The following TMEM114 variants were observed in gnomAD, a reference collection of about 807,000 sequenced individuals.
TMEM114 encodes the protein claudin-26.
A neutral mutation model predicts 6.2 loss-of-function variants in TMEM114; 6 were observed. The ratio of observed to expected loss-of-function variants is 0.97; its 90% CI spans 0.53 to 1.91. The LOEUF is 1.91. TMEM114 is among the 40% of genes most tolerant of loss of function. The pLI is 0.01. For synonymous variants in TMEM114, 104 were observed against 73.0 expected (o/e 1.42, Z -2.16); for missense variants, 218 against 158.3 (o/e 1.38, Z -2.02).
At chr16:8,527,079 C>G in the TMEM114 span, among the ~76,000 whole-genome samples, 1 of 152,208 alleles carries the variant, frequency 6.6e-6, no homozygotes, top group East Asian at 1.9e-4. Flanking sequence ...ATGGTGGGCA[C>G]ACCTGTAGTC....
At chr16:8,550,363 T>A (rs1900801762) in intron 2 of TMEM114, among the ~76,000 whole-genome samples, 1 of 152,208 alleles carries the variant, frequency 6.6e-6, no homozygotes, top group East Asian at 1.9e-4. Context: ...TAGAATTTTG[T>A]TCGTGTTCTC....
intron 2 of TMEM114, among the ~76,000 whole-genome samples, chr16:8,541,478 G>T (rs539442767): frequency 6.6e-6 from 1 of 152,102 alleles, no homozygotes; most frequent in Non-Finnish European, 1.5e-5. Flanking sequence ...GAGACAATTC[G>T]TCTGACCATA....
chr16:8,557,766 G>A (rs866027427), intron 2 of TMEM114, among the ~76,000 whole-genome samples: 9 of 152,128 alleles, frequency 5.9e-5, no homozygotes, highest in African/African-American at 9.7e-5. Context: ...CACAGACATC[G>A]TGGGAAGACT....
At chr16:8,570,926 C>T (rs191079504) in intron 3 of TMEM114, among the ~76,000 whole-genome samples, 2 of 152,324 alleles carry the variant, frequency 1.3e-5, no homozygotes, top group Admixed American at 1.3e-4. Flanking sequence ...TAGGGAACTT[C>T]TCCACCATCA....
chr16:8,563,846 G>T (rs1324326096), intron 2 of TMEM114, among the ~76,000 whole-genome samples: 15 of 135,562 alleles, frequency 1.1e-4, no homozygotes, highest in East Asian at 2.5e-4. Flanking sequence ...AGGGAGGGAG[G>T]GAGGGAGGGA....
downstream of TMEM114, among the ~76,000 whole-genome samples, chr16:8,536,178 T>A (rs1291157496): frequency 6.7e-6 from 1 of 148,846 alleles, no homozygotes; most frequent in Non-Finnish European, 1.5e-5. Context: ...TGAGCCGAGA[T>A]AGCACCACTG....
chr16:8,552,058 G>C (rs1365012351), intron 2 of TMEM114, among the ~76,000 whole-genome samples: 1 of 152,136 alleles, frequency 6.6e-6, no homozygotes, highest in Non-Finnish European at 1.5e-5. Flanking sequence ...GGACAGAGGA[G>C]TGATTTCCAG....
At chr16:8,581,808 T>G (rs1902160746) in intron 2 of TMEM114, among the ~76,000 whole-genome samples, 1 of 152,234 alleles carries the variant, frequency 6.6e-6, no homozygotes, top group African/African-American at 2.4e-5. Context: ...GTGGCCTTTA[T>G]TTTTTAATGG....
intron 2 of TMEM114, among the ~76,000 whole-genome samples, chr16:8,538,706 C>A (rs1330122511): frequency 6.6e-6 from 1 of 152,076 alleles, no homozygotes; most frequent in African/African-American, 2.4e-5. Context: ...TGGGGTTTCA[C>A]CCTGTTAGCC....
At chr16:8,555,641 A>G (rs1174614917) in intron 2 of TMEM114, among the ~76,000 whole-genome samples, 4 of 151,974 alleles carry the variant, frequency 2.6e-5, no homozygotes, top group Admixed American at 1.3e-4. Context: ...TGCCTATCTC[A>G]CTATTGTTTT....
chr16:8,564,415 G>T (rs1027641451), intron 2 of TMEM114, among the ~76,000 whole-genome samples: 11 of 151,040 alleles, frequency 7.3e-5, no homozygotes, highest in African/African-American at 2.5e-4. Flanking sequence ...ATGAGTGAGT[G>T]AGTAAATGAG....
At chr16:8,550,613 G>T (rs182920611) in intron 2 of TMEM114, among the ~76,000 whole-genome samples, 1 of 151,784 alleles carries the variant, frequency 6.6e-6, no homozygotes, top group Non-Finnish European at 1.5e-5. Flanking sequence ...TGGAGGCAGA[G>T]GTTGCAGTGA....
At chr16:8,529,147 G>A in the TMEM114 span, among the ~76,000 whole-genome samples, 9 of 152,132 alleles carry the variant, frequency 5.9e-5, no homozygotes, top group African/African-American at 2.2e-4. Flanking sequence ...TGAGAAGCAA[G>A]GATGACCAAA....
intron 2 of TMEM114, among the ~76,000 whole-genome samples, chr16:8,558,681 C>G (rs1050942319): frequency 6.6e-6 from 1 of 152,190 alleles, no homozygotes; most frequent in African/African-American, 2.4e-5. Context: ...GCATTTCACC[C>G]CACCTCTCAG....
At chr16:8,561,048 G>A (rs772455564) in intron 2 of TMEM114, among the ~76,000 whole-genome samples, 16 of 152,218 alleles carry the variant, frequency 1.1e-4, no homozygotes, top group East Asian at 1.9e-4. Context: ...AGACTTATTC[G>A]CTACCACGAG....
At chr16:8,548,294 G>A (rs919227215) in intron 2 of TMEM114, among the ~76,000 whole-genome samples, 4 of 152,284 alleles carry the variant, frequency 2.6e-5, no homozygotes, top group South Asian at 2.1e-4. Context: ...TTCATTTGAA[G>A]GGTCTGGCAG....
the TMEM114 span, among the ~76,000 whole-genome samples, chr16:8,529,440 A>C: frequency 6.6e-6 from 1 of 152,192 alleles, no homozygotes; most frequent in Non-Finnish European, 1.5e-5. Context: ...TAGCAGGGAC[A>C]TTTGTTGAAG....
intron 2 of TMEM114, among the ~76,000 whole-genome samples, chr16:8,538,831 T>C (rs1900437884): frequency 6.6e-6 from 1 of 152,178 alleles, no homozygotes. Context: ...TTATGTTGTA[T>C]ATACTTCATT....
intron 2 of TMEM114, among the ~76,000 whole-genome samples, chr16:8,575,127 G>A (rs1901875578): frequency 6.6e-6 from 1 of 152,184 alleles, no homozygotes; most frequent in South Asian, 2.1e-4. Flanking sequence ...TGGATATGTA[G>A]TTTCAGAGTG....
Sources: allele counts gnomAD v4.1 joint callset (sites outside exome capture counted in the v4.1 genomes callset), GRCh38; gene constraint gnomAD v4.1.1; transcripts MANE v1.5; gene names NCBI Gene and HGNC (gene_info 2026-07-23, HGNC 2026-07-21).